Variants in FAM177A1 observed in about 807,000 individuals in gnomAD.
The protein encoded by FAM177A1 is family with sequence similarity 177 member A1.
In FAM177A1, 22 loss-of-function variants were observed where a neutral mutation model predicts 26.1. The observed-to-expected ratio is 0.84, with a 90% CI of 0.60 to 1.20. The LOEUF (loss-of-function observed/expected upper bound fraction) is 1.20, where lower values mean the gene tolerates loss of function less well. Among genes scored for constraint, FAM177A1 ranks in the 50% most tolerant of loss-of-function variants. FAM177A1 has a pLI of 0.00. For missense variants in FAM177A1, 296 were observed against 291.1 expected (o/e 1.02, Z -0.12); for synonymous variants, 95 against 99.3 (o/e 0.96, Z 0.26).
intron 2 of FAM177A1, among the ~76,000 whole-genome samples, chr14:35,057,787 G>A (rs1216935087): frequency 2.0e-5 from 3 of 151,856 alleles, no homozygotes; most frequent in Non-Finnish European, 4.4e-5. Context: ...GTATTTGTTT[G>A]TCTATTTTTT....
chr14:35,062,239 A>G (rs1221250941), intron 2 of FAM177A1, among the ~76,000 whole-genome samples: 1 of 152,116 alleles, frequency 6.6e-6, no homozygotes, highest in Non-Finnish European at 1.5e-5. Context: ...AGGTGCTTTA[A>G]ATGTTTATTC....
chr14:35,072,376 T>C (rs890248202), intron 2 of FAM177A1, among the ~76,000 whole-genome samples: 1 of 152,162 alleles, frequency 6.6e-6, no homozygotes, highest in African/African-American at 2.4e-5. Context: ...TCATAAGTCT[T>C]CTTCCTCATT....
intron 2 of FAM177A1, among the ~76,000 whole-genome samples, chr14:35,071,158 G>A (rs998881456): frequency 3.3e-5 from 5 of 151,690 alleles, no homozygotes; most frequent in African/African-American, 7.3e-5. Flanking sequence ...CACCACGCCC[G>A]GCTGATTTTT....
intron 1 of FAM177A1, among the ~76,000 whole-genome samples, chr14:35,047,671 C>CCCT (rs1236029522): frequency 6.6e-6 from 1 of 152,092 alleles, no homozygotes; most frequent in South Asian, 2.1e-4. Flanking sequence ...ATTGCTTGAA[C>CCCT]CCTGGAGGTG....
In FAM177A1 at chr14:35,053,170, TA is replaced by T. The variant is rs1389549317; in HGVS notation, c.166-105del. 3.3e-5 allele frequency: 34 copies of T among 1,026,402 alleles called. No homozygotes were observed. The East Asian group carries it at 7.2e-4, about 22-fold the overall frequency. 63.6% of individuals were successfully genotyped at this position (1,026,402 alleles called of 1,614,324 possible). Reference sequence around the variant, plus strand: ...TGTCTCAGAACAAACCAAAACTGCTTAAAGATTTATTTCTTTACTACAATAA... The same window carrying T: ...TGTCTCAGAACAAACCAAAACTGCTTAAGATTTATTTCTTTACTACAATAA... On this transcript the variant is annotated intron_variant, in intron 1 of 4. Transcript: ENST00000280987.
At chr14:35,051,144 G>T (rs138118526) in intron 1 of FAM177A1, among the ~76,000 whole-genome samples, 232 of 152,128 alleles carry the variant, frequency 1.5e-3, no homozygotes, top group African/African-American at 5.3e-3. Flanking sequence ...TTTTGAGATG[G>T]AGTCTCGCTG....
chr14:35,061,428 G>A (rs899752159), intron 2 of FAM177A1, among the ~76,000 whole-genome samples: 7 of 149,576 alleles, frequency 4.7e-5, no homozygotes, highest in Middle Eastern at 3.5e-3. Flanking sequence ...TAGGAGCTGA[G>A]CATTTATGGG....
chr14:35,067,190 T>C (rs2045253172), intron 2 of FAM177A1, among the ~76,000 whole-genome samples: 1 of 152,148 alleles, frequency 6.6e-6, no homozygotes, highest in South Asian at 2.1e-4. Flanking sequence ...ATCTCCCCAT[T>C]TCCCCTTAAC....
Position 35,077,201 on chromosome 14 carries a change from AC to A in FAM177A1, c.392del (p.Thr131AsnfsTer35). 6.2e-7 allele frequency: 1 copy of A among 1,613,944 alleles called. No homozygotes were observed. The highest frequency in any genetic ancestry group is 8.5e-7 in the Non-Finnish European group (1 of 1,179,926). On this transcript the variant is annotated frameshift_variant, in exon 3 of 5. Coordinates refer to ENST00000280987, the MANE Select transcript of FAM177A1 (RefSeq NM_173607.5). LOFTEE classifies it high-confidence loss of function. ...YLWFYMLRAA[T>X]STLSVCDFLG... Reference sequence around the variant, plus strand: ...ATGGTTTTACATGCTTCGGGCTGCTACATCAACTCTCTCAGGTATTGCTTTT... The same window carrying A: ...ATGGTTTTACATGCTTCGGGCTGCTAATCAACTCTCTCAGGTATTGCTTTT...
chr14:35,074,600 A>G (rs1452435127), intron 2 of FAM177A1, among the ~76,000 whole-genome samples: 1 of 151,596 alleles, frequency 6.6e-6, no homozygotes, highest in Non-Finnish European at 1.5e-5. Context: ...TGCTGGGATT[A>G]CAGACGTGAG....
intron 2 of FAM177A1, among the ~76,000 whole-genome samples, chr14:35,074,653 T>C (rs1032652957): frequency 6.6e-6 from 1 of 152,002 alleles, no homozygotes; most frequent in African/African-American, 2.4e-5. Context: ...ACAGATATTC[T>C]TGTGTTTGCC....
chr14:35,059,252 G>A (rs1312979505), intron 2 of FAM177A1, among the ~76,000 whole-genome samples: 1 of 151,822 alleles, frequency 6.6e-6, no homozygotes, highest in Non-Finnish European at 1.5e-5. Context: ...AGTTTGTTTT[G>A]TATATCTTCT....
chr14:35,045,889 T>C (rs1247626409), upstream of FAM177A1: 3 of 152,238 alleles, frequency 2.0e-5, no homozygotes, highest in African/African-American at 7.2e-5. Context: ...TAAGCAAATA[T>C]CACGCCTGGG....
chr14:35,069,084 A>G (rs1170049650), intron 2 of FAM177A1, among the ~76,000 whole-genome samples: 1 of 152,194 alleles, frequency 6.6e-6, no homozygotes, highest in Admixed American at 6.5e-5. Flanking sequence ...TGGTTTTCTC[A>G]GTGCTATTAG....
chr14:35,047,386 G>T (rs1352172575), intron 1 of FAM177A1, among the ~76,000 whole-genome samples: 1 of 152,070 alleles, frequency 6.6e-6, no homozygotes, highest in Non-Finnish European at 1.5e-5. Context: ...TCGCAGTTCT[G>T]GCTGACCACA....
chr14:35,067,842 G>A (rs562043230), intron 2 of FAM177A1, among the ~76,000 whole-genome samples: 1 of 152,100 alleles, frequency 6.6e-6, no homozygotes, highest in Non-Finnish European at 1.5e-5. Flanking sequence ...AGAAGTATCT[G>A]TTCAGGTCCT....
chr14:35,051,854 A>C (rs1468125967), intron 1 of FAM177A1, among the ~76,000 whole-genome samples: 1 of 152,250 alleles, frequency 6.6e-6, no homozygotes, highest in Non-Finnish European at 1.5e-5. Context: ...TATAAAAACA[A>C]AGTAGCTTAT....
intron 1 of FAM177A1, among the ~76,000 whole-genome samples, chr14:35,051,800 T>A (rs183134603): frequency 6.6e-6 from 1 of 152,182 alleles, no homozygotes; most frequent in African/African-American, 2.4e-5. Flanking sequence ...AAGAATCATA[T>A]CTGTTTTCTA....
chr14:35,054,994 A>T (rs1566667852), intron 2 of FAM177A1: 1 of 151,528 alleles, frequency 6.6e-6, no homozygotes, highest in Non-Finnish European at 1.5e-5. Context: ...TAAAAAAATA[A>T]AAAATAAAAT....
Sources: gnomAD v4.1 joint callset for allele counts (sites outside exome capture counted in the v4.1 genomes callset) on GRCh38, gnomAD v4.1.1 for gene constraint, MANE v1.5 for transcripts, NCBI Gene and HGNC (gene_info 2026-07-23, HGNC 2026-07-21) for gene names.